RELN: variants seen among roughly 807,000 people sequenced by gnomAD.
RELN encodes reelin.
RELN carries 108 observed loss-of-function variants against 427.6 expected under a neutral mutation model. That is an observed-to-expected ratio of 0.25 (90% CI 0.22 to 0.30). RELN has a LOEUF of 0.30. Ranked by LOEUF, RELN falls within the 10% of genes least tolerant of loss-of-function variation. The pLI is 1.00. For synonymous variants in RELN, 1,524 were observed against 1,513.4 expected, an observed-to-expected ratio of 1.01 and a Z score of -0.16; for missense variants, 3,715 against 4,302.8, an observed-to-expected ratio of 0.86 and a Z score of 3.82.
intron 2 of RELN, among the ~76,000 whole-genome samples, chr7:103,858,504 G>A (rs1014000588): frequency 6.6e-6 from 1 of 152,134 alleles, no homozygotes; most frequent in African/African-American, 2.4e-5. Flanking sequence ...GGAGTTAGAA[G>A]CATTTAGAAA....
Position 103,565,539 on chromosome 7 carries a change from T to G in RELN, c.4949A>C (p.Tyr1650Ser). The part of the protein sequence containing the change: ...IFTENIGKPR[Y>S]AETWDFHVSA... ...CACATGAAAATCCCAGGTCTCAGCATAACGAGGTTTTCCTGAAAAAAAAAA... is the reference window on the plus strand; with the variant it reads ...CACATGAAAATCCCAGGTCTCAGCAGAACGAGGTTTTCCTGAAAAAAAAAA... Residue 1650 changes from tyrosine (Y) to serine (S), a missense_variant, in exon 34 of 65, where the codon TAT (tyrosine) becomes TCT (serine). By Grantham distance (144) the Tyr-to-Ser change is moderately radical (BLOSUM62 -2). Transcript: ENST00000428762. 6.2e-7 allele frequency: 1 copy of G among 1,607,218 alleles called. No individual in the cohort carries two copies.
intron 2 of RELN, among the ~76,000 whole-genome samples, chr7:103,887,505 A>G (rs10227818): frequency 0.27 from 40,359 of 152,124 alleles, 6,032 homozygotes; most frequent in African/African-American, 0.4. Context: ...AGGGACATCC[A>G]AAGTGCAAAC....
chr7:103,790,897 G>A (rs1219715714), intron 3 of RELN, among the ~76,000 whole-genome samples: 1 of 152,076 alleles, frequency 6.6e-6, no homozygotes, highest in South Asian at 2.1e-4. Flanking sequence ...GGGAGGCGGA[G>A]GTTGCAGTGT....
At chr7:103,582,876 G>C (rs1255560500) in intron 28 of RELN, among the ~76,000 whole-genome samples, 1 of 152,158 alleles carries the variant, frequency 6.6e-6, no homozygotes. Context: ...GTTTAACCTA[G>C]AAAAAGTTTA....
chr7:103,550,903 G>T (rs1830395755), intron 41 of RELN, among the ~76,000 whole-genome samples, 164 bp downstream of exon 41: 1 of 152,168 alleles, frequency 6.6e-6, no homozygotes, highest in South Asian at 2.1e-4. Flanking sequence ...TAGTAGTTAT[G>T]TCAGCTCCGT....
At chr7:103,880,527 C>T (rs929851146) in intron 2 of RELN, among the ~76,000 whole-genome samples, 2 of 152,158 alleles carry the variant, frequency 1.3e-5, no homozygotes, top group South Asian at 2.1e-4. Flanking sequence ...TCATCATTAT[C>T]GCTGTGTATA....
At position 103,551,261 on chromosome 7, in the gene RELN, C is replaced by T. The variant is rs116371919; in HGVS notation, c.6108G>A (p.Ala2036=). The T allele has an allele frequency of 4.3e-6, 7 of 1,613,694 alleles. No individual in the cohort carries two copies. The highest frequency in any genetic ancestry group is 5.9e-6 in the Non-Finnish European group (7 of 1,179,960). Residue 2036 remains alanine, a synonymous_variant, in exon 41 of 65, where the codon GCG becomes GCA. Coordinates refer to ENST00000428762, the MANE Select transcript of RELN (RefSeq NM_005045.4). ...NVGCSTDSSS[A]DPVRLEFSRD... Reference sequence around the variant, plus strand: ...TTGAAAATTCCAGTCTCACTGGATCCGCGGATGAGCTATCAGTCGAACAGC... The same window carrying T: ...TTGAAAATTCCAGTCTCACTGGATCTGCGGATGAGCTATCAGTCGAACAGC...
chr7:103,515,362 G>A lies in RELN; in HGVS notation c.7942C>T (p.Leu2648=), dbSNP rs769268341. Reference sequence around the variant, plus strand: ...TCAATGGCCCAGTCGTTCTGATCCAGGCCGTCATGTCTTGGCTGCCACCAG... The same window carrying A: ...TCAATGGCCCAGTCGTTCTGATCCAAGCCGTCATGTCTTGGCTGCCACCAG... The part of the protein sequence containing the change: ...FRWWQPRHDG[L]DQNDWAIDNV... Residue 2648 remains leucine (L), a synonymous_variant, in exon 50 of 65, where the codon CTG becomes TTG. Coordinates refer to ENST00000428762, the MANE Select transcript of RELN (RefSeq NM_005045.4). 2.5e-6 allele frequency: 4 copies of A among 1,614,118 alleles called. No individual in the cohort carries two copies. The highest frequency in any genetic ancestry group is 1.6e-4 in the Middle Eastern group (1 of 6,062).
At chr7:103,792,313 A>G (rs1792183855) in intron 3 of RELN, among the ~76,000 whole-genome samples, 1 of 152,214 alleles carries the variant, frequency 6.6e-6, no homozygotes. Context: ...AGTGGAAACA[A>G]CCTAAATGTC....
chr7:103,530,010 A>G (rs1273108059), intron 46 of RELN, among the ~76,000 whole-genome samples: 1 of 151,998 alleles, frequency 6.6e-6, no homozygotes, highest in African/African-American at 2.4e-5. Context: ...TCCTTCTGCT[A>G]TTAAATTTAG....
At chr7:103,487,354 T>C (rs1428015296) in intron 60 of RELN, among the ~76,000 whole-genome samples, 1 of 149,150 alleles carries the variant, frequency 6.7e-6, no homozygotes, top group Non-Finnish European at 1.5e-5. Flanking sequence ...TGTATACCTA[T>C]GTAACAAACC....
intron 5 of RELN, among the ~76,000 whole-genome samples, chr7:103,750,748 C>G (rs937176177): frequency 2.0e-5 from 3 of 152,136 alleles, no homozygotes; most frequent in African/African-American, 7.2e-5. Flanking sequence ...AACTTTTTTT[C>G]TCTTTCAGAA....
chr7:103,636,525 G>T, intron 17 of RELN, 57 bp from the exon 18 acceptor site: 1 of 1,154,314 alleles, frequency 8.7e-7, no homozygotes, highest in Non-Finnish European at 1.3e-6. Flanking sequence ...GGAGATTCTC[G>T]AATCTACTTT....
At chr7:103,882,680 A>G (rs1794635577) in intron 2 of RELN, among the ~76,000 whole-genome samples, 1 of 152,210 alleles carries the variant, frequency 6.6e-6, no homozygotes, top group Non-Finnish European at 1.5e-5. Flanking sequence ...CAAATAAACT[A>G]GAAAATCCAG....
chr7:103,731,667 T>C (rs1212637349), intron 6 of RELN, among the ~76,000 whole-genome samples: 1 of 152,050 alleles, frequency 6.6e-6, no homozygotes, highest in African/African-American at 2.4e-5. Context: ...AATTATGGGC[T>C]GGAGGTAGAA....
chr7:103,619,661 A>G (rs535985691), intron 20 of RELN, among the ~76,000 whole-genome samples: 1 of 152,326 alleles, frequency 6.6e-6, no homozygotes, highest in Non-Finnish European at 1.5e-5. Context: ...TGTGGACAAA[A>G]AAGCAAACCT....
At chr7:103,987,715 A>G (rs1797132717) in intron 1 of RELN, among the ~76,000 whole-genome samples, 1 of 152,182 alleles carries the variant, frequency 6.6e-6, no homozygotes, top group Non-Finnish European at 1.5e-5. Context: ...GATTCTCATT[A>G]TCTCAGAAAA....
In RELN at chr7:103,989,160, G is replaced by T; in HGVS notation, c.197C>A (p.Thr66Asn). 1 of 1,614,062 alleles carries T rather than the reference G, an allele frequency of 6.2e-7. No individual in the cohort carries two copies. The highest frequency in any genetic ancestry group is 8.5e-7 in the Non-Finnish European group (1 of 1,180,002). ...GTATTCTTGTCCCGGAACGTAGTAG[G>T]TGGGGTTGCCCGCAATATGCAGGGA... ...LISLHIAGNP[T>N]YYVPGQEYHV... Residue 66 changes from threonine to asparagine, a missense_variant, in exon 1 of 65, where the codon ACC becomes AAC. Around this residue, in one of 4 missense-constraint regions of RELN, gnomAD observed 2,208 missense variants for 2,361.7 expected, o/e 0.93. Coordinates refer to ENST00000428762, the MANE Select transcript of RELN (RefSeq NM_005045.4). The surrounding 1 kb of genome is among the most constrained non-coding windows in gnomAD (Gnocchi z 4.9).
chr7:103,584,809 G>T (rs990400868), intron 28 of RELN, among the ~76,000 whole-genome samples: 14 of 152,110 alleles, frequency 9.2e-5, no homozygotes, highest in African/African-American at 3.1e-4. Context: ...CCATATGCTA[G>T]GCCACAAAGC....
Sources: gnomAD v4.1 joint callset for allele counts (sites outside exome capture counted in the v4.1 genomes callset) on GRCh38, gnomAD v4.1.1 for gene constraint, gnomAD v4.1.1 regional missense constraint, Gnocchi (gnomAD v3.1) non-coding constraint, MANE v1.5 for transcripts, NCBI Gene and HGNC (gene_info 2026-07-23, HGNC 2026-07-21) for gene names.